TRPM6: variants seen among roughly 807,000 people sequenced by gnomAD.
The protein encoded by TRPM6 is transient receptor potential cation channel subfamily M member 6.
A neutral mutation model predicts 247.6 loss-of-function variants in TRPM6; 111 were observed. The ratio of observed to expected loss-of-function variants is 0.45; its 90% CI spans 0.38 to 0.52. TRPM6 has a LOEUF of 0.52. Ranked by LOEUF, TRPM6 falls within the 20% of genes least tolerant of loss-of-function variation. The pLI is 0.00. For synonymous variants in TRPM6, 892 were observed against 853.8 expected, an observed-to-expected ratio of 1.04 and a Z score of -0.78; for missense variants, 2,126 against 2,421.5, an observed-to-expected ratio of 0.88 and a Z score of 2.56.
At chr9:74,799,299 C>G (rs1053927472) in intron 17 of TRPM6, among the ~76,000 whole-genome samples, 44 of 151,994 alleles carry the variant, frequency 2.9e-4, no homozygotes, top group African/African-American at 1.0e-3. Flanking sequence ...AATAGTCACT[C>G]TTTGTCTCTT....
chr9:74,749,694 AG>A (rs1201322755), intron 30 of TRPM6, among the ~76,000 whole-genome samples: 1 of 152,232 alleles, frequency 6.6e-6, no homozygotes, highest in Non-Finnish European at 1.5e-5. Context: ...TCAGCATTTA[AG>A]GTCCTTAAGA....
intron 1 of TRPM6, among the ~76,000 whole-genome samples, chr9:74,877,104 C>T (rs528917805): frequency 2.6e-5 from 4 of 152,268 alleles, no homozygotes; most frequent in Non-Finnish European, 5.9e-5. Context: ...CTGGAATTAT[C>T]ATGGATTGCT....
intron 19 of TRPM6, among the ~76,000 whole-genome samples, chr9:74,789,758 G>A (rs1382700950): frequency 6.6e-6 from 1 of 151,938 alleles, no homozygotes; most frequent in Non-Finnish European, 1.5e-5. Context: ...TTAGGAGTTC[G>A]AGACCAGCCT....
At chr9:74,735,312 G>C (rs1042404641) in intron 36 of TRPM6, among the ~76,000 whole-genome samples, 1 of 152,010 alleles carries the variant, frequency 6.6e-6, no homozygotes, top group African/African-American at 2.4e-5. Flanking sequence ...GCAGCCCCAA[G>C]TACCAATCTG....
chr9:74,790,418 A>G (rs1384797651), intron 19 of TRPM6, among the ~76,000 whole-genome samples: 1 of 152,198 alleles, frequency 6.6e-6, no homozygotes, highest in Admixed American at 6.6e-5. Flanking sequence ...TGGTTTCAGC[A>G]TAGTTAGACA....
chr9:74,764,450 G>C (rs1826759054), intron 25 of TRPM6, among the ~76,000 whole-genome samples: 1 of 152,150 alleles, frequency 6.6e-6, no homozygotes, highest in Non-Finnish European at 1.5e-5. Context: ...TGACTAGAAT[G>C]ATGCATCTAC....
intron 37 of TRPM6, among the ~76,000 whole-genome samples, chr9:74,731,121 A>C (rs543697324): frequency 1.3e-4 from 20 of 152,214 alleles, no homozygotes; most frequent in Non-Finnish European, 2.6e-4. Flanking sequence ...GGCCTACAGC[A>C]TGCAATTAAA....
chr9:74,873,015 G>A (rs971134295), intron 1 of TRPM6, among the ~76,000 whole-genome samples: 2 of 152,132 alleles, frequency 1.3e-5, no homozygotes, highest in Admixed American at 1.3e-4. Context: ...AAGTTGTAAA[G>A]TTCTTCACAC....
intron 5 of TRPM6, among the ~76,000 whole-genome samples, chr9:74,834,527 A>G (rs998585975): frequency 8.6e-5 from 13 of 151,794 alleles, no homozygotes; most frequent in African/African-American, 3.2e-4. Context: ...GGTTTGTTAC[A>G]TATGTATACA....
At chr9:74,887,617 G>A in intron 1 of TRPM6, 1 of 1,542,914 alleles carries the variant, frequency 6.5e-7, no homozygotes, top group Non-Finnish European at 8.7e-7. Flanking sequence ...CTGCCCTGTA[G>A]TAGCGTACAC....
chr9:74,751,544 A>C (rs924708919), intron 29 of TRPM6, among the ~76,000 whole-genome samples: 4 of 152,244 alleles, frequency 2.6e-5, no homozygotes, highest in Non-Finnish European at 5.9e-5. Context: ...ACAGTTCTCA[A>C]GTTCAAACAG....
At chr9:74,724,869 T>C in intron 38 of TRPM6, 123 bp from the exon 39 acceptor site, 4 of 1,266,800 alleles carry the variant, frequency 3.2e-6, no homozygotes, top group East Asian at 2.3e-5. Context: ...AGACCATAGA[T>C]ATGTGGAACT....
At chr9:74,881,703 A>ATT (rs1831370940) in intron 1 of TRPM6, among the ~76,000 whole-genome samples, 1 of 152,188 alleles carries the variant, frequency 6.6e-6, no homozygotes, top group Non-Finnish European at 1.5e-5. Context: ...ATCTCAACTA[A>ATT]TTTTTAAAAA....
chr9:74,814,748 C>T (rs983768735), intron 11 of TRPM6, among the ~76,000 whole-genome samples: 1 of 151,934 alleles, frequency 6.6e-6, no homozygotes, highest in African/African-American at 2.4e-5. Context: ...CCTAGGAGTT[C>T]GACCAGCCTA....
At chr9:74,802,203 T>C in intron 15 of TRPM6, 28 bp from the exon 16 acceptor site, 2 of 1,601,822 alleles carry the variant, frequency 1.2e-6, no homozygotes, top group South Asian at 2.2e-5. Flanking sequence ...AGGAATGAGT[T>C]TTCAAATACT....
chr9:74,873,134 C>A (rs1386563618), intron 1 of TRPM6, among the ~76,000 whole-genome samples: 1 of 152,132 alleles, frequency 6.6e-6, no homozygotes, highest in Non-Finnish European at 1.5e-5. Context: ...CCATTTTGAA[C>A]TGTCTGAATT....
At chr9:74,833,967 T>C in intron 6 of TRPM6, 31 bp downstream of exon 6, 3 of 1,613,198 alleles carry the variant, frequency 1.9e-6, no homozygotes. Flanking sequence ...CGTGTTCGTT[T>C]GCTTTTGTTA....
At position 74,800,264 on chromosome 9, in the gene TRPM6, G is replaced by T. The variant is rs1416097272; in HGVS notation, c.2228C>A (p.Ser743Tyr). 2 of 1,613,936 alleles carry T rather than the reference G, an allele frequency of 1.2e-6. No homozygotes were observed. The highest frequency in any genetic ancestry group is 1.7e-6 in the Non-Finnish European group (2 of 1,179,884). Residue 743 changes from serine (S) to tyrosine (Y), a missense_variant, in exon 17 of 39, where the codon TCT becomes TAT. Around this residue, in one of 3 missense-constraint regions of TRPM6, gnomAD observed 1,082 missense variants for 1,307.9 expected, o/e 0.83. Coordinates refer to ENST00000360774, the MANE Select transcript of TRPM6 (RefSeq NM_017662.5). The stretch of plus-strand genomic sequence containing the variant: ...GTAAAGTAAATTTACCTTTAACCAA[G>T]AGTTTTTCCTCATTTTCAGCCTCCC... Reference protein sequence around the residue: ...WMGRLKMRKNSWLKIIISIIL... With the variant: ...WMGRLKMRKNYWLKIIISIIL...
At chr9:74,877,036 C>T (rs965906569) in intron 1 of TRPM6, among the ~76,000 whole-genome samples, 3 of 152,182 alleles carry the variant, frequency 2.0e-5, no homozygotes, top group African/African-American at 7.2e-5. Flanking sequence ...ATGCAGTCTT[C>T]ATACCCGCTA....
Sources: gnomAD v4.1 joint callset for allele counts (sites outside exome capture counted in the v4.1 genomes callset) on GRCh38, gnomAD v4.1.1 for gene constraint, gnomAD v4.1.1 regional missense constraint, MANE v1.5 for transcripts, NCBI Gene and HGNC (gene_info 2026-07-23, HGNC 2026-07-21) for gene names.